The following LRRK1 variants were observed in gnomAD, a reference collection of about 807,000 sequenced individuals.
The protein encoded by LRRK1 is leucine-rich repeat serine/threonine-protein kinase 1.
A neutral mutation model predicts 209.1 loss-of-function variants in LRRK1; 113 were observed. That is an observed-to-expected ratio of 0.54 (90% CI 0.46 to 0.63). The LOEUF (loss-of-function observed/expected upper bound fraction) is 0.63, where lower values mean the gene tolerates loss of function less well. Among genes scored for constraint, LRRK1 ranks in the 30% least tolerant of loss-of-function variants. The pLI is 0.00. For synonymous variants in LRRK1, 1,144 were observed against 1,099.7 expected (o/e 1.04, Z -0.80); for missense variants, 2,284 against 2,632.2 (o/e 0.87, Z 2.89).
chr15:100,984,141 A>G (rs1016463531), intron 4 of LRRK1, among the ~76,000 whole-genome samples: 2 of 152,128 alleles, frequency 1.3e-5, no homozygotes, highest in Non-Finnish European at 2.9e-5. Flanking sequence ...TGAGATGGGG[A>G]CGCATCAGTC....
At chr15:100,956,132 G>T (rs905975957) in intron 2 of LRRK1, among the ~76,000 whole-genome samples, 2 of 152,028 alleles carry the variant, frequency 1.3e-5, no homozygotes, top group African/African-American at 2.4e-5. Context: ...GCTTTTTATT[G>T]TTAGGAGGTT....
intron 22 of LRRK1, among the ~76,000 whole-genome samples, chr15:101,049,171 A>G (rs1005300196): frequency 2.0e-5 from 3 of 151,218 alleles, no homozygotes; most frequent in African/African-American, 7.4e-5. Flanking sequence ...AACGAATGAT[A>G]AACACCCAAG....
rs1199895753 is a variant in LRRK1, at chr15:101,074,955, G to T, written c.*6107G>T. On this transcript the variant is annotated 3_prime_UTR_variant, in exon 34 of 34. Transcript: ENST00000388948. ...CCACTCCCAGAGCCCCTGGAACTCCGGCCCAAGGCTCTCTGACTGACTCCT... is the reference window on the plus strand; with the variant it reads ...CCACTCCCAGAGCCCCTGGAACTCCTGCCCAAGGCTCTCTGACTGACTCCT... 6.8e-6 allele frequency: 1 copy of T among 146,050 alleles called. No individual in the cohort carries two copies. The highest frequency in any genetic ancestry group is 2.8e-5 in the African/African-American group (1 of 36,328). 9.0% of individuals were successfully genotyped at this position (146,050 alleles called of 1,614,324 possible).
At chr15:100,944,608 T>C (rs2042502963) in intron 2 of LRRK1, among the ~76,000 whole-genome samples, 1 of 152,216 alleles carries the variant, frequency 6.6e-6, no homozygotes, top group African/African-American at 2.4e-5. Context: ...CTTGGCTTTT[T>C]TGCTTCTATT....
At chr15:100,927,871 C>T (rs1447540942) in intron 2 of LRRK1, among the ~76,000 whole-genome samples, 1 of 152,172 alleles carries the variant, frequency 6.6e-6, no homozygotes, top group Non-Finnish European at 1.5e-5. Flanking sequence ...TTATTAATTC[C>T]AGGGACTAAA....
At chr15:100,952,145 A>G (rs1372165920) in intron 2 of LRRK1, among the ~76,000 whole-genome samples, 1 of 152,160 alleles carries the variant, frequency 6.6e-6, no homozygotes, top group Non-Finnish European at 1.5e-5. Flanking sequence ...TAGAAAGTAG[A>G]TTAGTGGTTG....
intron 29 of LRRK1, among the ~76,000 whole-genome samples, chr15:101,059,733 C>CCTAAAAA (rs2036046582): frequency 6.6e-6 from 1 of 152,150 alleles, no homozygotes; most frequent in Admixed American, 6.5e-5. Context: ...ACTGAAAAGG[C>CCTAAAAA]CTAAAAACAA....
chr15:101,029,281 G>A, intron 20 of LRRK1, 49 bp downstream of exon 20: 1 of 1,546,530 alleles, frequency 6.5e-7, no homozygotes, highest in Non-Finnish European at 8.8e-7. Context: ...CTCCCCGAAA[G>A]AGGGAGTTGG....
chr15:100,954,609 T>A (rs1288509708), intron 2 of LRRK1, among the ~76,000 whole-genome samples: 1 of 152,228 alleles, frequency 6.6e-6, no homozygotes, highest in Non-Finnish European at 1.5e-5. Context: ...TGTTTTCTCC[T>A]AGGAGTTTTA....
rs75279765 is a variant in LRRK1, at chr15:101,031,148, C to T, written c.2963+1916C>T. Among the ~76,000 whole-genome samples, 461 of 152,266 alleles carry T rather than the reference C, an allele frequency of 3.0e-3. 3 individuals carry two copies. Among genetic ancestry groups the T allele is most frequent in the African/African-American group, 0.01 (429 of 41,546 alleles). On this transcript the variant is annotated intron_variant, in intron 20 of 33. Transcript: ENST00000388948. ...TAAAGTTTACTTACAGTGAAATGCC[C>T]GGATCGCTAGTGTTCAAAACAATGA... is the stretch of plus-strand genomic sequence containing the variant.
chr15:101,063,598 C>T (rs1444872358), intron 31 of LRRK1, among the ~76,000 whole-genome samples: 1 of 152,212 alleles, frequency 6.6e-6, no homozygotes, highest in Non-Finnish European at 1.5e-5. Context: ...TCACTAAATG[C>T]ACAAGAAGCC....
intron 6 of LRRK1, among the ~76,000 whole-genome samples, chr15:100,994,169 A>G (rs777873312): frequency 6.6e-6 from 1 of 152,242 alleles, no homozygotes; most frequent in African/African-American, 2.4e-5. Context: ...TCTGTTTTAC[A>G]TATGAAATTA....
chr15:100,964,329 T>C (rs2030309703), intron 2 of LRRK1, among the ~76,000 whole-genome samples: 1 of 152,192 alleles, frequency 6.6e-6, no homozygotes, highest in Non-Finnish European at 1.5e-5. Flanking sequence ...GACCCAGAGA[T>C]GTAAACGGCT....
At chr15:100,946,308 TG>T (rs2042538520) in intron 2 of LRRK1, among the ~76,000 whole-genome samples, 1 of 151,904 alleles carries the variant, frequency 6.6e-6, no homozygotes, top group African/African-American at 2.4e-5. Flanking sequence ...GGGGAGGGGA[TG>T]GGGTGAGAGG....
chr15:101,056,111 T>A (rs1315559527), intron 27 of LRRK1, among the ~76,000 whole-genome samples: 1 of 152,258 alleles, frequency 6.6e-6, no homozygotes, highest in Non-Finnish European at 1.5e-5. Context: ...TTAAAAATTC[T>A]CAAGTCTATC....
intron 2 of LRRK1, among the ~76,000 whole-genome samples, chr15:100,939,770 C>A (rs4075386): frequency 0.2 from 29,798 of 152,122 alleles, 3,151 homozygotes; most frequent in South Asian, 0.29. Context: ...ACAGTTTGTA[C>A]AGCAAAGTCG....
rs1321714856 is a variant in LRRK1 at position 101,014,323 on chromosome 15, T to A, written c.1427T>A (p.Met476Lys). 4 of 1,610,124 alleles carry A rather than the reference T, an allele frequency of 2.5e-6. No homozygotes were observed. The highest frequency in any genetic ancestry group is 3.4e-6 in the Non-Finnish European group (4 of 1,176,864). Residue 476 changes from methionine (M) to lysine (K), a missense_variant, in exon 11 of 34, where the codon ATG becomes AAG. Met to Lys is a moderately conservative substitution (Grantham distance 95). Coordinates refer to ENST00000388948, the MANE Select transcript of LRRK1 (RefSeq NM_024652.6). ...PLGLFQLDALMFLRLQGNQLA... is the reference protein window; with the variant it reads ...PLGLFQLDALKFLRLQGNQLA... ...CCTCCCTCTCTCTCTCAGGCCCTCA[T>A]GTTCTTGAGGTTACAGGGGAACCAG...
intron 31 of LRRK1, 153 bp from the exon 32 acceptor site, chr15:101,065,199 C>T (rs1183655286): frequency 2.4e-5 from 19 of 789,478 alleles, no homozygotes; most frequent in Middle Eastern, 7.0e-4. Context: ...GGAGTAGCCC[C>T]GGCCTTTCTA....
At chr15:101,063,494 G>A (rs1456643906) in intron 31 of LRRK1, among the ~76,000 whole-genome samples, 1 of 152,180 alleles carries the variant, frequency 6.6e-6, no homozygotes, top group Non-Finnish European at 1.5e-5. Flanking sequence ...CAGCTCCCTG[G>A]CTTTTCCGGG....
Sources: gnomAD v4.1 joint callset for allele counts (sites outside exome capture counted in the v4.1 genomes callset) on GRCh38, gnomAD v4.1.1 for gene constraint, MANE v1.5 for transcripts, NCBI Gene and HGNC (gene_info 2026-07-23, HGNC 2026-07-21) for gene names.